The following N4BP2L2 variants were observed in gnomAD, a reference collection of about 807,000 sequenced individuals.
The protein encoded by N4BP2L2 is NEDD4-binding protein 2-like 2.
N4BP2L2 carries 50 observed loss-of-function variants against 56.2 expected under a neutral mutation model. That is an observed-to-expected ratio of 0.89 (90% CI 0.71 to 1.13). The LOEUF (loss-of-function observed/expected upper bound fraction) is 1.13, where lower values mean the gene tolerates loss of function less well. N4BP2L2 is among the 50% of genes most tolerant of loss of function. The pLI is 0.00. For synonymous variants in N4BP2L2, 203 were observed against 223.6 expected, an observed-to-expected ratio of 0.91 and a Z score of 0.82; for missense variants, 689 against 693.8, an observed-to-expected ratio of 0.99 and a Z score of 0.08.
chr13:32,536,219 G>A, exon 2 of N4BP2L2: 1 of 1,613,824 alleles, frequency 6.2e-7, no homozygotes, highest in Non-Finnish European at 8.5e-7. Flanking sequence ...AGGATATACT[G>A]ACTGCCATTC....
intron 2 of N4BP2L2, among the ~76,000 whole-genome samples, chr13:32,533,694 C>T (rs990807719): frequency 6.6e-6 from 1 of 151,828 alleles, no homozygotes; most frequent in Non-Finnish European, 1.5e-5. Flanking sequence ...CCTGCCTTGG[C>T]CTCCCAAAGT....
rs146277604 is a variant in N4BP2L2, at chr13:32,491,280, C to T, written c.365+26577G>A. On this transcript the variant is annotated intron_variant, in intron 6 of 9. Transcript: ENST00000357505. ...ATATATTATAAAACTATTACATGCT[C>T]ATGATGAATTACAAAGGTTCACAGA... 9.9e-5 allele frequency among the ~76,000 whole-genome samples: 15 copies of T among 152,116 alleles called. 1 individual carries two copies. The East Asian group carries it at 2.7e-3, about 27-fold the overall frequency.
rs116774087 is a variant in N4BP2L2 at position 32,528,142 on chromosome 13, T to C, written c.1260-610A>G. 9.6e-3 allele frequency among the ~76,000 whole-genome samples: 1,459 copies of C among 152,342 alleles called. 32 individuals are homozygous for C. The highest frequency in any genetic ancestry group is 0.034 in the African/African-American group (1,403 of 41,566). ...CATTATTTACCCAATCTCAAAATTA[T>C]ATCAACTATTATCCATGTTTTCACT... On this transcript the variant is annotated intron_variant, in intron 2 of 5. Coordinates refer to ENST00000267068, the Ensembl canonical transcript of N4BP2L2.
chr13:32,464,717 G>C (rs2080898873), intron 6 of N4BP2L2, among the ~76,000 whole-genome samples: 1 of 151,722 alleles, frequency 6.6e-6, no homozygotes, highest in Admixed American at 6.6e-5. Flanking sequence ...ACTAGATATA[G>C]ACTACTGACT....
intron 6 of N4BP2L2, among the ~76,000 whole-genome samples, chr13:32,447,234 T>C (rs1425555504): frequency 6.6e-6 from 1 of 152,036 alleles, no homozygotes. Context: ...TTTCTCTGGA[T>C]CAAATCAAAA....
At chr13:32,477,812 A>G (rs1305866092) in intron 6 of N4BP2L2, 5 of 1,205,914 alleles carry the variant, frequency 4.1e-6, no homozygotes, top group Non-Finnish European at 5.5e-6. Context: ...CAGCTGAGAA[A>G]TACTCAGCGG....
chr13:32,479,971 T>C (rs756107545), intron 6 of N4BP2L2, among the ~76,000 whole-genome samples: 1 of 151,834 alleles, frequency 6.6e-6, no homozygotes, highest in Non-Finnish European at 1.5e-5. Flanking sequence ...TTATCACTGA[T>C]AAATTTCCAA....
intron 6 of N4BP2L2, chr13:32,480,630 A>G: frequency 7.8e-7 from 1 of 1,287,758 alleles, no homozygotes; most frequent in Non-Finnish European, 1.0e-6. Flanking sequence ...ATATTTCTTC[A>G]GTCACACCTG....
intron 9 of N4BP2L2, among the ~76,000 whole-genome samples, chr13:32,434,256 CTT>C (rs983130668): frequency 7.8e-6 from 1 of 128,266 alleles, no homozygotes; most frequent in Non-Finnish European, 1.6e-5. Context: ...TTCTTTTTTT[CTT>C]TTTTTTTTTT....
intron 2 of N4BP2L2, 77 bp from the exon 3 acceptor site, chr13:32,527,609 T>C (rs1380121498): frequency 4.7e-6 from 7 of 1,489,882 alleles, no homozygotes; most frequent in East Asian, 4.6e-5. Context: ...GAAATAAATA[T>C]AACCAAGTGA....
At chr13:32,446,489 G>C (rs1011092574) in intron 6 of N4BP2L2, 2 of 1,316,508 alleles carry the variant, frequency 1.5e-6, no homozygotes, top group Non-Finnish European at 2.0e-6. Flanking sequence ...TCCTGTTGCA[G>C]GGCAAGGAGA....
intron 6 of N4BP2L2, among the ~76,000 whole-genome samples, chr13:32,483,022 C>T (rs2085107921): frequency 6.6e-6 from 1 of 152,108 alleles, no homozygotes; most frequent in Non-Finnish European, 1.5e-5. Context: ...AATTTTCATC[C>T]AATTATTTCA....
At chr13:32,459,439 C>G (rs933294040) in intron 6 of N4BP2L2, among the ~76,000 whole-genome samples, 5 of 151,532 alleles carry the variant, frequency 3.3e-5, no homozygotes, top group Non-Finnish European at 5.9e-5. Flanking sequence ...AAATGAAAAA[C>G]GAGACATAAC....
intron 6 of N4BP2L2, among the ~76,000 whole-genome samples, chr13:32,476,738 T>G (rs755218377): frequency 4.6e-4 from 70 of 152,216 alleles, no homozygotes; most frequent in Non-Finnish European, 9.8e-4. Flanking sequence ...CCTGAAGTAC[T>G]GTGGATATAC....
chr13:32,533,688 C>T (rs1246513036), intron 2 of N4BP2L2, among the ~76,000 whole-genome samples: 1 of 151,920 alleles, frequency 6.6e-6, no homozygotes, highest in Admixed American at 6.6e-5. Context: ...AATCTGCCTG[C>T]CTTGGCCTCC....
exon 6 of N4BP2L2, chr13:32,517,684 G>T: frequency 7.0e-7 from 1 of 1,426,872 alleles, no homozygotes; most frequent in Non-Finnish European, 9.1e-7. Flanking sequence ...AACTTGCTGG[G>T]AACATCCTTT....
rs2054483112 is a variant in N4BP2L2 at position 32,530,676 on chromosome 13, C to G, written c.1260-3144G>C. Among the ~76,000 whole-genome samples, 4 of 151,974 alleles carry G rather than the reference C, an allele frequency of 2.6e-5. No homozygotes were observed. The South Asian group carries it at 8.3e-4, about 32-fold the overall frequency. ...CCTGCCAATTTGATAATAAACTAAT[C>G]CAGGAGAAGAAATAATTTTGGCAAG... On this transcript the variant is annotated intron_variant, in intron 2 of 5. Coordinates refer to ENST00000267068, the Ensembl canonical transcript of N4BP2L2.
intron 9 of N4BP2L2, among the ~76,000 whole-genome samples, chr13:32,434,393 C>T (rs185193804): frequency 7.9e-5 from 12 of 151,898 alleles, no homozygotes; most frequent in Admixed American, 4.6e-4. Context: ...CCACCGTGCC[C>T]GGCCAGTTTT....
intron 6 of N4BP2L2, among the ~76,000 whole-genome samples, chr13:32,492,195 A>G (rs1209363122): frequency 6.6e-6 from 1 of 151,478 alleles, no homozygotes; most frequent in Non-Finnish European, 1.5e-5. Context: ...GCATAATTTC[A>G]TATGTGCATC....
Sources: allele counts gnomAD v4.1 joint callset (sites outside exome capture counted in the v4.1 genomes callset), GRCh38; gene constraint gnomAD v4.1.1; transcripts MANE v1.5; gene names NCBI Gene and HGNC (gene_info 2026-07-23, HGNC 2026-07-21).